Variants in CECR2 observed in about 807,000 individuals in gnomAD.
CECR2 encodes the protein chromatin remodeling regulator CECR2.
CECR2 carries 30 observed loss-of-function variants against 154.5 expected under a neutral mutation model. The observed-to-expected ratio is 0.19, with a 90% CI of 0.15 to 0.26. The LOEUF (loss-of-function observed/expected upper bound fraction) is 0.26, where lower values mean the gene tolerates loss of function less well. Ranked by LOEUF, CECR2 falls within the 10% of genes least tolerant of loss-of-function variation. CECR2 has a pLI of 1.00. For missense variants in CECR2, 1,743 were observed against 1,829.3 expected, an observed-to-expected ratio of 0.95 and a Z score of 0.86; for synonymous variants, 725 against 683.7, an observed-to-expected ratio of 1.06 and a Z score of -0.94.
chr22:17,506,780 A>G (rs1364187014), intron 7 of CECR2, among the ~76,000 whole-genome samples: 1 of 152,018 alleles, frequency 6.6e-6, no homozygotes, highest in Admixed American at 6.6e-5. Flanking sequence ...CAGCCTCCCA[A>G]GTAGCTGGGA....
chr22:17,449,507 T>TG (rs2054732921), intron 1 of CECR2, among the ~76,000 whole-genome samples: 1 of 143,676 alleles, frequency 7.0e-6, no homozygotes, highest in Non-Finnish European at 1.5e-5. Context: ...TTTTTTTTTT[T>TG]GAGACAGAGT....
chr22:17,482,767 T>G (rs2055349716), intron 2 of CECR2, among the ~76,000 whole-genome samples: 1 of 150,588 alleles, frequency 6.6e-6, no homozygotes, highest in Non-Finnish European at 1.5e-5. Context: ...ACTCCTTTTT[T>G]TTTTTTTTTT....
intron 9 of CECR2, among the ~76,000 whole-genome samples, chr22:17,531,029 T>C (rs1422215783): frequency 6.6e-6 from 1 of 152,192 alleles, no homozygotes; most frequent in African/African-American, 2.4e-5. Flanking sequence ...TACTGAATTG[T>C]ATGCTCATTT....
intron 1 of CECR2, among the ~76,000 whole-genome samples, chr22:17,412,848 C>T (rs974755161): frequency 5.3e-5 from 8 of 152,142 alleles, no homozygotes; most frequent in African/African-American, 1.4e-4. Flanking sequence ...TTTCCTTTCT[C>T]GTGGCAGTGC....
chr22:17,406,826 T>G (rs982442134), intron 1 of CECR2, among the ~76,000 whole-genome samples: 1 of 152,174 alleles, frequency 6.6e-6, no homozygotes, highest in African/African-American at 2.4e-5. Context: ...AATAATTACA[T>G]GAAGTTGCTT....
At chr22:17,498,413 C>T (rs2055672527) in intron 3 of CECR2, among the ~76,000 whole-genome samples, 1 of 151,624 alleles carries the variant, frequency 6.6e-6, no homozygotes, top group African/African-American at 2.4e-5. Context: ...AAAGTATATC[C>T]TCAAGGGAGA....
intron 2 of CECR2, among the ~76,000 whole-genome samples, chr22:17,494,511 G>A (rs1200331932): frequency 6.6e-6 from 1 of 152,196 alleles, no homozygotes; most frequent in Non-Finnish European, 1.5e-5. Flanking sequence ...CAAGCACTCA[G>A]TAATGGCCGG....
At chr22:17,385,729 C>T (rs1401556702) in intron 1 of CECR2, among the ~76,000 whole-genome samples, 1 of 152,178 alleles carries the variant, frequency 6.6e-6, no homozygotes, top group African/African-American at 2.4e-5. Context: ...TTGCTACTCG[C>T]AGGGTCGGCA....
At chr22:17,447,195 C>G (rs1017831431) in intron 1 of CECR2, among the ~76,000 whole-genome samples, 2 of 151,740 alleles carry the variant, frequency 1.3e-5, no homozygotes, top group African/African-American at 2.4e-5. Context: ...CCACCATGCC[C>G]GGCTAATTTT....
At position 17,543,013 on chromosome 22, in the gene CECR2, A is replaced by G. The variant is rs746506296; in HGVS notation, c.2860+10A>G. The G allele has an allele frequency of 3.4e-5, 54 of 1,589,778 alleles. No homozygotes were observed. The highest frequency in any genetic ancestry group is 1.7e-4 in the Middle Eastern group (1 of 5,920). On this transcript the variant is annotated intron_variant, in intron 16 of 18. Coordinates refer to ENST00000262608, the MANE Select transcript of CECR2 (RefSeq NM_001290047.2). The stretch of plus-strand genomic sequence containing the variant: ...CCTGAGAATGACCAAGGTAATTTAC[A>G]CTGTCACTTTGGGCTCTTTAAGCTC...
rs1041347407 is a variant in CECR2 at position 17,381,104 on chromosome 22, C to T, written c.126+11195C>T. The stretch of plus-strand genomic sequence containing the variant: ...GAACATTGTTGTACACGGGGGTGGG[C>T]GGGGGGGAAGGTGCTTTAAAGAAAA... On this transcript the variant is annotated intron_variant, in intron 1 of 18. Transcript: ENST00000262608. Among the ~76,000 whole-genome samples, 20 of 18,370 alleles carry T rather than the reference C, an allele frequency of 1.1e-3. No homozygotes were observed. The East Asian group carries it at 0.015, about 14-fold the overall frequency. The allele number at this position is 18,370 out of a possible 152,430, so 12.1% of individuals were successfully genotyped here.
intron 2 of CECR2, among the ~76,000 whole-genome samples, chr22:17,495,545 G>A (rs1211534996): frequency 1.4e-5 from 2 of 146,450 alleles, no homozygotes; most frequent in Admixed American, 1.4e-4. Context: ...CTCCAGCCTG[G>A]GCTACAAGAG....
At chr22:17,443,148 C>T (rs74666418) in intron 1 of CECR2, among the ~76,000 whole-genome samples, 1,801 of 152,178 alleles carry the variant, frequency 0.012, 21 homozygotes, top group Non-Finnish European at 0.019. Flanking sequence ...AAAGGACAAA[C>T]GAAACTTCTC....
intron 1 of CECR2, among the ~76,000 whole-genome samples, chr22:17,391,646 GTAA>G (rs1033322411): frequency 2.0e-5 from 3 of 152,112 alleles, no homozygotes; most frequent in Admixed American, 6.5e-5. Flanking sequence ...TTTGATTATG[GTAA>G]TAATATGGAA....
At chr22:17,490,731 G>A (rs537117180) in intron 2 of CECR2, among the ~76,000 whole-genome samples, 76 of 152,210 alleles carry the variant, frequency 5.0e-4, no homozygotes, top group African/African-American at 1.6e-3. Flanking sequence ...TTACAGGCAT[G>A]AGCCACCATG....
In CECR2 at chr22:17,430,841, T is replaced by C. The variant is rs565150438; in HGVS notation, c.127-46747T>C. ...ATTGCATTGGCTACGTAAGTCATAA[T>C]AGTTATAGTCAAATCATTGCCTACT... On this transcript the variant is annotated intron_variant, in intron 1 of 18. Transcript: ENST00000262608. 1.1e-3 allele frequency among the ~76,000 whole-genome samples: 164 copies of C among 152,304 alleles called. 1 individual carries two copies. Among genetic ancestry groups the C allele is most frequent in the Middle Eastern group, 0.01 (3 of 294 alleles).
intron 1 of CECR2, among the ~76,000 whole-genome samples, chr22:17,448,666 G>A (rs1043359334): frequency 6.6e-6 from 1 of 152,076 alleles, no homozygotes; most frequent in Non-Finnish European, 1.5e-5. Flanking sequence ...GGCCCCATCC[G>A]TTGCTGTTTT....
intron 2 of CECR2, among the ~76,000 whole-genome samples, chr22:17,481,268 G>A (rs1386866188): frequency 1.3e-5 from 2 of 149,510 alleles, no homozygotes; most frequent in African/African-American, 2.5e-5. Context: ...GCGTGAACCC[G>A]GGAGGTGGAG....
chr22:17,412,227 A>G (rs1028055149), intron 1 of CECR2, among the ~76,000 whole-genome samples: 1 of 152,222 alleles, frequency 6.6e-6, no homozygotes, highest in Non-Finnish European at 1.5e-5. Context: ...TACTATAACT[A>G]GAAAAGACTG....
Sources: gnomAD v4.1 joint callset for allele counts (sites outside exome capture counted in the v4.1 genomes callset) on GRCh38, gnomAD v4.1.1 for gene constraint, MANE v1.5 for transcripts, NCBI Gene and HGNC (gene_info 2026-07-23, HGNC 2026-07-21) for gene names.